Variants in ENOX1 observed in about 807,000 individuals in gnomAD.
ENOX1 encodes the protein ecto-NOX disulfide-thiol exchanger 1.
A neutral mutation model predicts 82.5 loss-of-function variants in ENOX1; 42 were observed. That is an observed-to-expected ratio of 0.51 (90% CI 0.40 to 0.66). ENOX1 has a LOEUF of 0.66. Ranked by LOEUF, ENOX1 falls within the 30% of genes least tolerant of loss-of-function variation. The pLI is 0.00. For synonymous variants in ENOX1, 271 were observed against 282.2 expected (o/e 0.96, Z 0.40); for missense variants, 608 against 811.6 (o/e 0.75, Z 3.05).
intron 2 of ENOX1, among the ~76,000 whole-genome samples, chr13:43,619,742 GTAT>G (rs748135547): frequency 3.3e-5 from 5 of 152,054 alleles, no homozygotes; most frequent in Non-Finnish European, 7.4e-5. Context: ...CTTGGTTTTG[GTAT>G]TAGGGTGATG....
chr13:43,662,158 T>C (rs932805910), intron 2 of ENOX1, among the ~76,000 whole-genome samples: 1 of 152,204 alleles, frequency 6.6e-6, no homozygotes, highest in Non-Finnish European at 1.5e-5. Flanking sequence ...TTAATTCCAT[T>C]ATTCCTGTTC....
At chr13:43,722,615 C>T (rs1030673630) in intron 1 of ENOX1, among the ~76,000 whole-genome samples, 1 of 151,938 alleles carries the variant, frequency 6.6e-6, no homozygotes, top group Non-Finnish European at 1.5e-5. Context: ...ATTGGTGCAT[C>T]CTAAATACCA....
chr13:43,553,706 C>T (rs562808244), intron 2 of ENOX1, among the ~76,000 whole-genome samples: 1 of 151,930 alleles, frequency 6.6e-6, no homozygotes, highest in African/African-American at 2.4e-5. Flanking sequence ...TTGTTGTTCT[C>T]CATTCTAGTC....
chr13:43,414,568 T>TA (rs1342767670), intron 3 of ENOX1, among the ~76,000 whole-genome samples: 1 of 152,208 alleles, frequency 6.6e-6, no homozygotes, highest in Non-Finnish European at 1.5e-5. Context: ...GTCTGGTCTA[T>TA]TCACCAACGA....
At chr13:43,399,721 T>C (rs114202865) in intron 5 of ENOX1, among the ~76,000 whole-genome samples, 67 of 152,292 alleles carry the variant, frequency 4.4e-4, no homozygotes, top group African/African-American at 1.6e-3. Flanking sequence ...CAAGCCTGGA[T>C]TCAAACCTAA....
rs5803197 is a variant in ENOX1, at chr13:43,661,994, A to AT, written c.-219+5484dup. 1.1e-3 allele frequency among the ~76,000 whole-genome samples: 164 copies of AT among 151,808 alleles called. 1 individual carries two copies. Among genetic ancestry groups the AT allele is most frequent in the South Asian group, 1.9e-3 (9 of 4,796 alleles). On this transcript the variant is annotated intron_variant, in intron 2 of 16. Transcript: ENST00000690772. ...GTTCTTCTGCAAGAACAACAGATTG[A>AT]TTTTTTTTTATAGACAGCAATACTA... is the stretch of plus-strand genomic sequence containing the variant.
chr13:43,711,665 T>A (rs968610418), intron 1 of ENOX1, among the ~76,000 whole-genome samples: 1 of 152,176 alleles, frequency 6.6e-6, no homozygotes, highest in Non-Finnish European at 1.5e-5. Flanking sequence ...ATTTCTCTGA[T>A]GGCCAGTGAT....
At chr13:43,615,373 T>C (rs2082362395) in intron 2 of ENOX1, among the ~76,000 whole-genome samples, 1 of 152,130 alleles carries the variant, frequency 6.6e-6, no homozygotes, top group Non-Finnish European at 1.5e-5. Context: ...AAAATGTATG[T>C]GTGTCGCATA....
chr13:43,415,455 G>A (rs970345888), intron 3 of ENOX1, among the ~76,000 whole-genome samples: 2 of 151,838 alleles, frequency 1.3e-5, no homozygotes, highest in Non-Finnish European at 2.9e-5. Context: ...GACTCTTAAC[G>A]AACATGCTGC....
intron 1 of ENOX1, among the ~76,000 whole-genome samples, chr13:43,731,310 C>CATAGTGAA (rs1454562467): frequency 6.6e-6 from 1 of 152,196 alleles, no homozygotes; most frequent in Non-Finnish European, 1.5e-5. Flanking sequence ...AGATATTTCA[C>CATAGTGAA]ATAGAGTATT....
At chr13:43,408,311 T>C (rs1418033936) in intron 5 of ENOX1, among the ~76,000 whole-genome samples, 1 of 152,196 alleles carries the variant, frequency 6.6e-6, no homozygotes, top group Non-Finnish European at 1.5e-5. Context: ...TCTCAATAAA[T>C]TGAAGAAGCA....
At chr13:43,355,462 AG>A (rs1161114880) in intron 8 of ENOX1, among the ~76,000 whole-genome samples, 1 of 152,190 alleles carries the variant, frequency 6.6e-6, no homozygotes, top group African/African-American at 2.4e-5. Context: ...TTTTGCCTGA[AG>A]AAGGCTTTAG....
chr13:43,535,274 T>C (rs139066220), intron 2 of ENOX1, among the ~76,000 whole-genome samples: 5 of 152,290 alleles, frequency 3.3e-5, no homozygotes, highest in African/African-American at 1.2e-4. Context: ...TTTCTTATAT[T>C]CTGAAAATAC....
chr13:43,641,644 T>C (rs2083659405), intron 2 of ENOX1, among the ~76,000 whole-genome samples: 1 of 140,288 alleles, frequency 7.1e-6, no homozygotes, highest in Non-Finnish European at 1.5e-5. Flanking sequence ...GACACCATTC[T>C]CCTTCAGCCT....
In ENOX1 at chr13:43,460,687, G is replaced by A. The variant is rs1000793174; in HGVS notation, c.-75+23322C>T. On this transcript the variant is annotated intron_variant, in intron 3 of 16. Transcript: ENST00000690772. ...CGGGCACCTGTAGTTCCAGCTACTC[G>A]GGAGGCTGAGGCAGGAGAATGGCGT... 3.3e-5 allele frequency among the ~76,000 whole-genome samples: 5 copies of A among 151,756 alleles called. No homozygotes were observed. In the East Asian group the frequency reaches 5.8e-4, roughly 18 times the overall value.
At chr13:43,566,733 T>C (rs80323118) in intron 2 of ENOX1, among the ~76,000 whole-genome samples, 1,900 of 152,074 alleles carry the variant, frequency 0.012, 33 homozygotes, top group African/African-American at 0.044. Context: ...TTGTAAGATA[T>C]TGTCTCCACG....
chr13:43,223,311 C>T (rs1222683806), intron 16 of ENOX1, among the ~76,000 whole-genome samples: 2 of 152,178 alleles, frequency 1.3e-5, no homozygotes, highest in Non-Finnish European at 2.9e-5. Flanking sequence ...GCTTCTGTGT[C>T]CACCCCGCTC....
intron 1 of ENOX1, among the ~76,000 whole-genome samples, chr13:43,694,275 T>C (rs1483549499): frequency 6.6e-6 from 1 of 150,966 alleles, no homozygotes; most frequent in African/African-American, 2.4e-5. Context: ...TGAGCTAGTC[T>C]GTGCTAGAAC....
intron 12 of ENOX1, among the ~76,000 whole-genome samples, chr13:43,280,625 T>C (rs1483483792): frequency 6.6e-6 from 1 of 152,266 alleles, no homozygotes; most frequent in Non-Finnish European, 1.5e-5. Context: ...CATAGATGTC[T>C]GACTAAGGAT....
Sources: gnomAD v4.1 joint callset for allele counts (sites outside exome capture counted in the v4.1 genomes callset) on GRCh38, gnomAD v4.1.1 for gene constraint, MANE v1.5 for transcripts, NCBI Gene and HGNC (gene_info 2026-07-23, HGNC 2026-07-21) for gene names.